Variants in SEMA6D observed in about 807,000 individuals in gnomAD.
SEMA6D encodes semaphorin 6D, also known as semaphorin-6D.
A neutral mutation model predicts 106.6 loss-of-function variants in SEMA6D; 35 were observed. The ratio of observed to expected loss-of-function variants is 0.33; its 90% CI spans 0.25 to 0.44. The LOEUF (loss-of-function observed/expected upper bound fraction) is 0.44, where lower values mean the gene tolerates loss of function less well. Ranked by LOEUF, SEMA6D falls within the 20% of genes least tolerant of loss-of-function variation. SEMA6D has a pLI of 1.00. For missense variants in SEMA6D, 1,185 were observed against 1,345.9 expected, an observed-to-expected ratio of 0.88 and a Z score of 1.87; for synonymous variants, 499 against 487.7, an observed-to-expected ratio of 1.02 and a Z score of -0.31.
chr15:47,331,027 A>G (rs1214817798), intron 1 of SEMA6D, among the ~76,000 whole-genome samples: 1 of 152,210 alleles, frequency 6.6e-6, no homozygotes, highest in Non-Finnish European at 1.5e-5. Context: ...TGACAAAAGC[A>G]TCAAGGTCAC....
intron 1 of SEMA6D, among the ~76,000 whole-genome samples, chr15:47,748,073 C>T (rs1475351509): frequency 1.3e-5 from 2 of 152,142 alleles, no homozygotes; most frequent in Non-Finnish European, 2.9e-5. Flanking sequence ...AGTTATTTGG[C>T]CTGTGTTGCC....
In SEMA6D at chr15:47,721,619, T is replaced by C. The variant is rs545429773; in HGVS notation, c.-55+3927T>C. ...TTTTCCTCCTCACACCTGACAACAC[T>C]GGCAGTGCCACTGATAATTGAAGCT... On this transcript the variant is annotated intron_variant, in intron 1 of 18. Transcript: ENST00000536845. Among the ~76,000 whole-genome samples the C allele has an allele frequency of 2.4e-4, 36 of 152,340 alleles. 1 individual carries two copies. The highest frequency in any genetic ancestry group is 1.4e-3 in the South Asian group (7 of 4,828).
intron 4 of SEMA6D, among the ~76,000 whole-genome samples, chr15:47,632,922 A>C (rs2077317765): frequency 6.6e-6 from 1 of 151,960 alleles, no homozygotes; most frequent in South Asian, 2.1e-4. Flanking sequence ...CACTGTGTAT[A>C]GTTTTCTTAA....
intron 1 of SEMA6D, among the ~76,000 whole-genome samples, chr15:47,365,873 A>AGAGAGAGAGAGAG (rs1491305692): frequency 7.7e-6 from 1 of 130,330 alleles, no homozygotes; most frequent in Non-Finnish European, 1.6e-5. Flanking sequence ...AGAAAGAAAG[A>AGAGAGAGAGAGAG]AAGAGAGAGA....
chr15:47,552,843 AATATATAT>A (rs1249472818), intron 3 of SEMA6D, among the ~76,000 whole-genome samples: 1 of 79,102 alleles, frequency 1.3e-5, no homozygotes, highest in South Asian at 3.6e-4. Flanking sequence ...TATATATATA[AATATATAT>A]AAATATATAT....
At chr15:47,298,583 G>A (rs1338353373) in intron 1 of SEMA6D, among the ~76,000 whole-genome samples, 2 of 152,120 alleles carry the variant, frequency 1.3e-5, no homozygotes, top group African/African-American at 2.4e-5. Context: ...TATTCGCCCA[G>A]TGGTAAAATG....
intron 4 of SEMA6D, among the ~76,000 whole-genome samples, chr15:47,635,420 C>T (rs2077369832): frequency 6.6e-6 from 1 of 152,174 alleles, no homozygotes; most frequent in African/African-American, 2.4e-5. Context: ...ATTAAAACAG[C>T]TCCCAATAGG....
intron 1 of SEMA6D, among the ~76,000 whole-genome samples, chr15:47,349,051 G>A (rs189854909): frequency 1.3e-5 from 2 of 152,112 alleles, no homozygotes; most frequent in East Asian, 3.9e-4. Context: ...GCATCCATGG[G>A]CATCATCTAC....
chr15:47,746,087 T>A (rs983512382), intron 1 of SEMA6D, among the ~76,000 whole-genome samples: 1 of 152,186 alleles, frequency 6.6e-6, no homozygotes, highest in African/African-American at 2.4e-5. Flanking sequence ...AGAAGGCAAA[T>A]ACTAATACAA....
intron 3 of SEMA6D, among the ~76,000 whole-genome samples, chr15:47,586,766 A>G (rs969234763): frequency 6.6e-6 from 1 of 152,108 alleles, no homozygotes; most frequent in African/African-American, 2.4e-5. Flanking sequence ...CGTATTCACA[A>G]GTTCCACCCC....
intron 3 of SEMA6D, among the ~76,000 whole-genome samples, chr15:47,591,748 A>T (rs1254006063): frequency 6.6e-6 from 1 of 152,198 alleles, no homozygotes; most frequent in Non-Finnish European, 1.5e-5. Context: ...GTGTGGATGG[A>T]GAATGACATA....
At chr15:47,276,157 C>G (rs1043736514) in intron 1 of SEMA6D, among the ~76,000 whole-genome samples, 1 of 152,042 alleles carries the variant, frequency 6.6e-6, no homozygotes, top group Non-Finnish European at 1.5e-5. Flanking sequence ...ATTAAAGAAC[C>G]TCTGTAACAT....
chr15:47,488,831 C>T (rs2043376630), intron 3 of SEMA6D, among the ~76,000 whole-genome samples: 1 of 152,110 alleles, frequency 6.6e-6, no homozygotes, highest in African/African-American at 2.4e-5. Context: ...GAGAAATAGA[C>T]AAGGGTCACA....
At chr15:47,554,671 A>G (rs1035352558) in intron 3 of SEMA6D, among the ~76,000 whole-genome samples, 1 of 152,208 alleles carries the variant, frequency 6.6e-6, no homozygotes, top group African/African-American at 2.4e-5. Flanking sequence ...CACACAGATA[A>G]TGAACAATGA....
intron 1 of SEMA6D, among the ~76,000 whole-genome samples, chr15:47,198,889 T>G (rs1894533925): frequency 6.6e-6 from 1 of 152,168 alleles, no homozygotes; most frequent in Non-Finnish European, 1.5e-5. Flanking sequence ...CTGAAACACC[T>G]AAGGGAAGAG....
intron 3 of SEMA6D, among the ~76,000 whole-genome samples, chr15:47,502,702 G>C (rs1225045464): frequency 1.3e-5 from 2 of 152,112 alleles, no homozygotes; most frequent in South Asian, 2.1e-4. Flanking sequence ...AACTCATTTA[G>C]ATCATAAAAA....
intron 1 of SEMA6D, among the ~76,000 whole-genome samples, chr15:47,319,659 C>T (rs757174413): frequency 3.3e-5 from 5 of 152,048 alleles, no homozygotes; most frequent in Non-Finnish European, 5.9e-5. Flanking sequence ...AGGTTAGCTT[C>T]GGGTTAATTC....
rs147549825 is a variant in SEMA6D at position 47,543,681 on chromosome 15, A to AT, written c.-86-57176dup. Among the ~76,000 whole-genome samples the AT allele has an allele frequency of 8.6e-3, 1,304 of 151,920 alleles. 16 individuals carry two copies. Among genetic ancestry groups the AT allele is most frequent in the African/African-American group, 0.03 (1,251 of 41,412 alleles). Reference sequence around the variant, plus strand: ...AAGTGTTTTTCCACCTTTTTAAATTATTTTTTTTCACTGAAGGGTTTGAAC... The same window carrying AT: ...AAGTGTTTTTCCACCTTTTTAAATTATTTTTTTTTCACTGAAGGGTTTGAAC... On this transcript the variant is annotated intron_variant, in intron 3 of 19. Coordinates refer to the SEMA6D transcript ENST00000558014.
rs186342528 is a variant in SEMA6D, at chr15:47,568,576, T to A, written c.-86-32289T>A. Among the ~76,000 whole-genome samples, 1,513 of 152,260 alleles carry A rather than the reference T, an allele frequency of 9.9e-3. 10 individuals are homozygous for A. The highest frequency in any genetic ancestry group is 0.021 in the Admixed American group (318 of 15,292). Reference sequence around the variant, plus strand: ...AGCATAACATTATTTATCTGTAATTTTTTACTTCTTTAATAATTACATCTC... The same window carrying A: ...AGCATAACATTATTTATCTGTAATTATTTACTTCTTTAATAATTACATCTC... On this transcript the variant is annotated intron_variant, in intron 3 of 19. Transcript: ENST00000558014.
Sources: gnomAD v4.1 joint callset for allele counts (sites outside exome capture counted in the v4.1 genomes callset) on GRCh38, gnomAD v4.1.1 for gene constraint, MANE v1.5 for transcripts, NCBI Gene and HGNC (gene_info 2026-07-23, HGNC 2026-07-21) for gene names.